NOL4: variants seen among roughly 807,000 people sequenced by gnomAD.
The protein encoded by NOL4 is nucleolar protein 4, also known as cancer/testis antigen 125.
A neutral mutation model predicts 75.9 loss-of-function variants in NOL4; 17 were observed. That is an observed-to-expected ratio of 0.22 (90% CI 0.15 to 0.34). The LOEUF (loss-of-function observed/expected upper bound fraction) is 0.34. Ranked by LOEUF, NOL4 falls within the 10% of genes least tolerant of loss-of-function variation. NOL4 has a pLI of 1.00. For synonymous variants in NOL4, 292 were observed against 289.9 expected (o/e 1.01, Z -0.07); for missense variants, 614 against 793.5 (o/e 0.77, Z 2.72).
chr18:34,179,406 A>G (rs568873124), intron 1 of NOL4, among the ~76,000 whole-genome samples: 2 of 151,538 alleles, frequency 1.3e-5, no homozygotes, highest in Non-Finnish European at 3.0e-5. Flanking sequence ...AGAATAATCA[A>G]TAAGACCGTA....
At chr18:34,157,495 C>G (rs1214205564) in intron 1 of NOL4, among the ~76,000 whole-genome samples, 1 of 151,014 alleles carries the variant, frequency 6.6e-6, no homozygotes, top group African/African-American at 2.4e-5. Context: ...TGAAGTAGCT[C>G]AGAAAAAAGG....
At chr18:33,975,127 G>C (rs2071387938) in intron 6 of NOL4, among the ~76,000 whole-genome samples, 1 of 152,112 alleles carries the variant, frequency 6.6e-6, no homozygotes, top group African/African-American at 2.4e-5. Context: ...CAAACTCATA[G>C]ATATAAAAAG....
intron 1 of NOL4, among the ~76,000 whole-genome samples, chr18:34,210,501 T>C (rs1000435979): frequency 2.6e-5 from 4 of 152,230 alleles, no homozygotes; most frequent in African/African-American, 9.6e-5. Context: ...TAACCAATGC[T>C]ATGCCTGCAA....
intron 1 of NOL4, among the ~76,000 whole-genome samples, chr18:34,193,191 A>G (rs1450747029): frequency 6.6e-6 from 1 of 152,176 alleles, no homozygotes; most frequent in Admixed American, 6.5e-5. Context: ...ATTTTATGAC[A>G]TTAGTCTGGA....
At chr18:34,009,134 T>C (rs760127203) in intron 6 of NOL4, among the ~76,000 whole-genome samples, 3 of 151,652 alleles carry the variant, frequency 2.0e-5, no homozygotes, top group Non-Finnish European at 4.4e-5. Flanking sequence ...TTTAATTGGA[T>C]AGATTCCAAT....
At chr18:34,090,331 A>G (rs1274165574) in intron 5 of NOL4, among the ~76,000 whole-genome samples, 1 of 152,172 alleles carries the variant, frequency 6.6e-6, no homozygotes, top group African/African-American at 2.4e-5. Context: ...ATTAATTAAT[A>G]TGGTATTTTC....
chr18:34,154,835 G>A (rs2030057288), intron 1 of NOL4, among the ~76,000 whole-genome samples: 1 of 151,790 alleles, frequency 6.6e-6, no homozygotes, highest in Non-Finnish European at 1.5e-5. Context: ...CTCTTTCATT[G>A]TTGTCATTCT....
intron 9 of NOL4, among the ~76,000 whole-genome samples, chr18:33,890,544 A>C (rs1299369950): frequency 6.6e-6 from 1 of 152,138 alleles, no homozygotes; most frequent in Non-Finnish European, 1.5e-5. Flanking sequence ...ATGGAACCAA[A>C]AACAGGGTGA....
intron 9 of NOL4, among the ~76,000 whole-genome samples, chr18:33,940,423 C>G (rs890529843): frequency 2.6e-4 from 40 of 151,958 alleles, no homozygotes; most frequent in Non-Finnish European, 1.0e-4. Context: ...AACTGGAAAC[C>G]ATCATTCTCA....
intron 1 of NOL4, among the ~76,000 whole-genome samples, chr18:34,194,558 A>G (rs1245401301): frequency 1.3e-5 from 2 of 151,922 alleles, no homozygotes; most frequent in African/African-American, 4.8e-5. Context: ...GTAAGCTGGG[A>G]AAAAAAATGT....
intron 1 of NOL4, among the ~76,000 whole-genome samples, chr18:34,208,396 A>T (rs553613668): frequency 1.3e-5 from 2 of 152,168 alleles, no homozygotes; most frequent in East Asian, 3.9e-4. Context: ...GGTGACTGGT[A>T]AGCATGGTAA....
intron 1 of NOL4, among the ~76,000 whole-genome samples, chr18:34,168,815 A>G (rs1262527690): frequency 1.3e-5 from 2 of 151,836 alleles, no homozygotes; most frequent in African/African-American, 4.8e-5. Context: ...TTCCAAACCA[A>G]TCAAGAGGGA....
rs543166595 is a variant in NOL4, at chr18:33,892,178, C to A, written c.1543-8754G>T. 1.8e-3 allele frequency among the ~76,000 whole-genome samples: 275 copies of A among 152,174 alleles called. 1 individual carries two copies. The highest frequency in any genetic ancestry group is 5.8e-3 in the African/African-American group (239 of 41,512). ...AGTTGCAGTCGCTCATGCCTGTAAT[C>A]CCAATGCTTGGGAGGCTGAGGTGGA... On this transcript the variant is annotated intron_variant, in intron 9 of 10. Coordinates refer to ENST00000261592, the MANE Select transcript of NOL4 (RefSeq NM_003787.5).
intron 6 of NOL4, among the ~76,000 whole-genome samples, chr18:33,986,343 T>C (rs1184758934): frequency 6.6e-6 from 1 of 152,114 alleles, no homozygotes; most frequent in African/African-American, 2.4e-5. Context: ...GGTGTCAATT[T>C]ACATGAAACA....
At chr18:33,903,933 T>C (rs182038002) in intron 9 of NOL4, among the ~76,000 whole-genome samples, 1 of 152,250 alleles carries the variant, frequency 6.6e-6, no homozygotes, top group African/African-American at 2.4e-5. Flanking sequence ...GATGGGCACA[T>C]GAAATTTTAA....
chr18:34,053,805 A>G (rs1400435726), intron 5 of NOL4, among the ~76,000 whole-genome samples: 2 of 151,966 alleles, frequency 1.3e-5, no homozygotes, highest in Non-Finnish European at 2.9e-5. Flanking sequence ...TGAATTATAA[A>G]ATATTCAATA....
rs572018917 is a variant in NOL4, at chr18:34,077,307, A to AAAAAC, written c.772+16153_772+16157dup. 5.9e-5 allele frequency among the ~76,000 whole-genome samples: 9 copies of AAAAAC among 152,198 alleles called. No homozygotes were observed. The East Asian group carries it at 9.7e-4, about 16-fold the overall frequency. ...TGGGTGACAGAGTGAGACTGTCTCA[A>AAAAAC]AAAACAAAACAAAACAATACAAAAC... is the stretch of plus-strand genomic sequence containing the variant. On this transcript the variant is annotated intron_variant, in intron 5 of 10. Coordinates refer to ENST00000261592, the MANE Select transcript of NOL4 (RefSeq NM_003787.5).
chr18:33,866,236 C>T (rs561531417), intron 10 of NOL4, among the ~76,000 whole-genome samples: 5 of 152,116 alleles, frequency 3.3e-5, no homozygotes, highest in Non-Finnish European at 2.9e-5. Flanking sequence ...ATCTCCCACA[C>T]GTTTGAAAAA....
chr18:33,887,079 T>G (rs951666301), intron 9 of NOL4, among the ~76,000 whole-genome samples: 18 of 140,890 alleles, frequency 1.3e-4, no homozygotes, highest in South Asian at 6.4e-4. Context: ...TATATATATC[T>G]ATATATATTA....
Sources: allele counts gnomAD v4.1 joint callset (sites outside exome capture counted in the v4.1 genomes callset), GRCh38; gene constraint gnomAD v4.1.1; transcripts MANE v1.5; gene names NCBI Gene and HGNC (gene_info 2026-07-23, HGNC 2026-07-21).